The following SMYD1 variants were observed in gnomAD, a reference collection of about 807,000 sequenced individuals.
SMYD1 encodes SET and MYND domain containing 1.
Under a neutral mutation model 54.0 loss-of-function variants are expected in SMYD1, and 49 were observed. The ratio of observed to expected loss-of-function variants is 0.91; its 90% confidence interval spans 0.72 to 1.15. The LOEUF (loss-of-function observed/expected upper bound fraction) is 1.15. Ranked by LOEUF, SMYD1 falls within the 50% of genes most tolerant of loss-of-function variation. The pLI is 0.00. For missense variants in SMYD1, 653 were observed against 639.6 expected, an observed-to-expected ratio of 1.02 and a Z score of -0.23; for synonymous variants, 269 against 234.2, an observed-to-expected ratio of 1.15 and a Z score of -1.36.
chr2:88,106,260 G>A lies in SMYD1; in HGVS notation c.982-65G>A, dbSNP rs938543071. 66 of 1,574,610 alleles carry A rather than the reference G, an allele frequency of 4.2e-5. No homozygotes were observed. In the East Asian group the frequency reaches 5.4e-4, roughly 13 times the overall value. On this transcript the variant is annotated intron_variant, in intron 7 of 9. Transcript: ENST00000419482. ...ATTGTCTGGTATCACCATGATGGTCGCGTATGTGAATTAAACGTGTGCTCT... is the reference window on the plus strand; with the variant it reads ...ATTGTCTGGTATCACCATGATGGTCACGTATGTGAATTAAACGTGTGCTCT...
chr2:88,085,663 T>C (rs1042854067), intron 2 of SMYD1, among the ~76,000 whole-genome samples: 6 of 152,180 alleles, frequency 3.9e-5, no homozygotes, highest in Non-Finnish European at 8.8e-5. Flanking sequence ...AGTTGAAATC[T>C]ACCACCCATT....
At chr2:88,082,208 TCTA>T (rs1674214455) in intron 1 of SMYD1, among the ~76,000 whole-genome samples, 1 of 152,158 alleles carries the variant, frequency 6.6e-6, no homozygotes, top group African/African-American at 2.4e-5. Flanking sequence ...CTAGTGTAAT[TCTA>T]CTCCTTGCTC....
intron 1 of SMYD1, among the ~76,000 whole-genome samples, chr2:88,075,646 T>C (rs1291715707): frequency 6.8e-6 from 1 of 146,902 alleles, no homozygotes; most frequent in Non-Finnish European, 1.5e-5. Context: ...CAAGCCATCC[T>C]CCCACCTCAG....
At chr2:88,090,920 G>A (rs943796435) in intron 3 of SMYD1, 92 bp from the exon 4 acceptor site, 1 of 1,426,446 alleles carries the variant, frequency 7.0e-7, no homozygotes, top group African/African-American at 1.4e-5. Context: ...GGGTGAGACT[G>A]GGTCTTCTGT....
rs373908092 is a variant in SMYD1 at position 88,110,341 on chromosome 2, C to T, written c.1315-13C>T. Reference sequence around the variant, plus strand: ...CTTGCTATCACTGTTTACGGTGTATCTGTGTCCCACAGGCCATGCGGGTGC... The same window carrying T: ...CTTGCTATCACTGTTTACGGTGTATTTGTGTCCCACAGGCCATGCGGGTGC... On this transcript the variant is annotated splice_polypyrimidine_tract_variant and intron_variant, in intron 9 of 9. Transcript: ENST00000419482. 3.7e-6 allele frequency: 6 copies of T among 1,606,882 alleles called. No individual in the cohort carries two copies. Among genetic ancestry groups the T allele is most frequent in the Non-Finnish European group, 5.1e-6 (6 of 1,176,310 alleles).
intron 3 of SMYD1, 29 bp downstream of exon 3, chr2:88,088,104 T>G: frequency 6.4e-7 from 1 of 1,574,142 alleles, no homozygotes; most frequent in Non-Finnish European, 8.6e-7. Context: ...TTCTCCATCC[T>G]CCCTGTCTGT....
At position 88,067,826 on chromosome 2, in the gene SMYD1, G is replaced by A; in HGVS notation, c.-39G>A. 6.2e-7 allele frequency: 1 copy of A among 1,605,028 alleles called. No homozygotes were observed. On this transcript the variant is annotated 5_prime_UTR_variant, in exon 1 of 10. It adds an upstream start codon to the 5' untranslated region. Coordinates refer to ENST00000419482, the MANE Select transcript of SMYD1 (RefSeq NM_198274.4). ...TAGCAATGACAAGAGACTTGGCTCA[G>A]TGTTAAATAACTGCCGCGCTGGCCT... is the stretch of plus-strand genomic sequence containing the variant.
At position 88,095,265 on chromosome 2, in the gene SMYD1, C is replaced by G. The variant is rs141212497; in HGVS notation, c.699-1330C>G. Among the ~76,000 whole-genome samples the G allele has an allele frequency of 5.5e-3, 838 of 152,282 alleles. 4 individuals are homozygous for G. The highest frequency in any genetic ancestry group is 8.8e-3 in the Non-Finnish European group (599 of 68,030). ...TGCTGCTGAAAATTGGGGTAAGGAACAAAGGAAAGGAGGGACAAATGGTGA... is the reference window on the plus strand; with the variant it reads ...TGCTGCTGAAAATTGGGGTAAGGAAGAAAGGAAAGGAGGGACAAATGGTGA... On this transcript the variant is annotated intron_variant, in intron 5 of 9. Transcript: ENST00000419482.
At chr2:88,070,039 A>T (rs1673912283) in intron 1 of SMYD1, among the ~76,000 whole-genome samples, 1 of 152,226 alleles carries the variant, frequency 6.6e-6, no homozygotes, top group Non-Finnish European at 1.5e-5. Context: ...AAAATCATAT[A>T]TTATTTTTAC....
At chr2:88,096,172 G>A (rs1193015552) in intron 5 of SMYD1, among the ~76,000 whole-genome samples, 1 of 152,240 alleles carries the variant, frequency 6.6e-6, no homozygotes, top group African/African-American at 2.4e-5. Flanking sequence ...GTTTCTGAGA[G>A]AGTAGTCCCC....
Position 88,111,979 on chromosome 2 carries a change from G to C in SMYD1, c.*1467G>C, listed in dbSNP as rs1052936460. The C allele has an allele frequency of 8.7e-6, 6 of 689,122 alleles. No individual in the cohort carries two copies. Among genetic ancestry groups the C allele is most frequent in the South Asian group, 7.6e-5 (5 of 65,594 alleles). The allele number at this position is 689,122 out of a possible 1,614,324, so 42.7% of individuals were successfully genotyped here. A position where few individuals can be genotyped will look rare whatever the true frequency, so the allele number is the denominator to read the frequency against. ...GTTAGCTTCTCCATCCTCACCACAT[G>C]ATGACCTGCTGTGTCCCTCTGAGCA... On this transcript the variant is annotated 3_prime_UTR_variant, in exon 10 of 10. Transcript: ENST00000419482.
chr2:88,081,051 C>T (rs750049656), intron 1 of SMYD1, among the ~76,000 whole-genome samples: 1 of 151,910 alleles, frequency 6.6e-6, no homozygotes, highest in African/African-American at 2.4e-5. Flanking sequence ...TACAGGTGCC[C>T]GTCACCACGC....
At chr2:88,108,276 G>A (rs1674928708) in intron 8 of SMYD1, 95 bp from the exon 9 acceptor site, 2 of 1,257,328 alleles carry the variant, frequency 1.6e-6, no homozygotes, top group Non-Finnish European at 1.1e-6. Context: ...AAGACAGATG[G>A]GCTTAATCAA....
At chr2:88,094,377 A>C (rs1674529236) in intron 5 of SMYD1, among the ~76,000 whole-genome samples, 1 of 152,172 alleles carries the variant, frequency 6.6e-6, no homozygotes, top group Admixed American at 6.5e-5. Context: ...GAAATACTTA[A>C]ATAGGCTGCC....
intron 7 of SMYD1, 62 bp downstream of exon 7, chr2:88,103,212 A>G: frequency 7.6e-6 from 9 of 1,182,102 alleles, no homozygotes; most frequent in Non-Finnish European, 7.3e-6. Flanking sequence ...TTCTCCAGTA[A>G]GGGAGGGAAG....
chr2:88,097,272 G>C (rs1674611367), intron 6 of SMYD1, among the ~76,000 whole-genome samples: 1 of 152,114 alleles, frequency 6.6e-6, no homozygotes, highest in Non-Finnish European at 1.5e-5. Context: ...GGTTTAGATT[G>C]GTCAACATCC....
At chr2:88,095,829 T>A (rs1240977077) in intron 5 of SMYD1, among the ~76,000 whole-genome samples, 1 of 152,172 alleles carries the variant, frequency 6.6e-6, no homozygotes, top group Non-Finnish European at 1.5e-5. Flanking sequence ...AGTTCTGCAG[T>A]GGGTTTTTAC....
Position 88,089,760 on chromosome 2 carries a change from CT to C in SMYD1, c.529-1240del, listed in dbSNP as rs908674458. Among the ~76,000 whole-genome samples the C allele has an allele frequency of 2.8e-3, 401 of 142,568 alleles. 2 individuals are homozygous for C. Among genetic ancestry groups the C allele is most frequent in the East Asian group, 5.7e-3 (28 of 4,928 alleles). The allele number at this position is 142,568 out of a possible 152,430, so 93.5% of individuals were successfully genotyped here. Reference sequence around the variant, plus strand: ...TACCACTATGCCTGGTTAATTTTTGCTTTTTTTTTTTTATAGAAGCAGGGTT... The same window carrying C: ...TACCACTATGCCTGGTTAATTTTTGCTTTTTTTTTTTATAGAAGCAGGGTT... On this transcript the variant is annotated intron_variant, in intron 3 of 9. Transcript: ENST00000419482.
intron 1 of SMYD1, among the ~76,000 whole-genome samples, chr2:88,078,509 G>T (rs1480043355): frequency 3.3e-5 from 5 of 152,108 alleles, no homozygotes; most frequent in African/African-American, 1.2e-4. Flanking sequence ...GTAGAACCCA[G>T]CTCTGACCAA....
Sources: allele counts gnomAD v4.1 joint callset (sites outside exome capture counted in the v4.1 genomes callset), GRCh38; gene constraint gnomAD v4.1.1; transcripts MANE v1.5; gene names NCBI Gene and HGNC (gene_info 2026-07-23, HGNC 2026-07-21).